AGPAT3: variants seen among roughly 807,000 people sequenced by gnomAD.
AGPAT3 encodes the protein 1-acyl-sn-glycerol-3-phosphate acyltransferase gamma.
AGPAT3 carries 5 observed loss-of-function variants against 47.3 expected under a neutral mutation model. The observed-to-expected ratio is 0.11, with a 90% CI of 0.06 to 0.22. The LOEUF (loss-of-function observed/expected upper bound fraction) is 0.22. Among genes scored for constraint, AGPAT3 ranks in the 10% least tolerant of loss-of-function variants. The pLI, the probability that AGPAT3 is intolerant of heterozygous loss-of-function variation, is 1.00. For missense variants in AGPAT3, 315 were observed against 493.0 expected, an observed-to-expected ratio of 0.64 and a Z score of 3.42; for synonymous variants, 212 against 208.3, an observed-to-expected ratio of 1.02 and a Z score of -0.15.
chr21:43,883,757 C>G (rs1363005473), intron 1 of AGPAT3, among the ~76,000 whole-genome samples: 1 of 152,176 alleles, frequency 6.6e-6, no homozygotes, highest in Non-Finnish European at 1.5e-5. Context: ...CCACACCTGG[C>G]TAATTTTTGT....
At chr21:43,964,122 C>T (rs560842047) in intron 3 of AGPAT3, among the ~76,000 whole-genome samples, 100 of 152,044 alleles carry the variant, frequency 6.6e-4, no homozygotes, top group African/African-American at 2.3e-3. Flanking sequence ...CAGTGGGTCA[C>T]GCCTGTAATC....
intron 2 of AGPAT3, among the ~76,000 whole-genome samples, chr21:43,950,134 A>G (rs1329626072): frequency 6.6e-6 from 1 of 152,254 alleles, no homozygotes; most frequent in Admixed American, 6.5e-5. Context: ...TTAAGAGAGC[A>G]AGAGATAAAC....
intron 2 of AGPAT3, among the ~76,000 whole-genome samples, chr21:43,926,690 T>G (rs2087066616): frequency 7.1e-6 from 1 of 140,782 alleles, no homozygotes. Flanking sequence ...CTGGGCATAG[T>G]GGCTGATGCC....
chr21:43,955,043 C>A lies in AGPAT3; in HGVS notation c.-48-4591C>A. 1 of 1,209,158 alleles carries A rather than the reference C, an allele frequency of 8.3e-7. No individual in the cohort carries two copies. The highest frequency in any genetic ancestry group is 1.1e-6 in the Non-Finnish European group (1 of 941,612). 74.9% of individuals were successfully genotyped at this position (1,209,158 alleles called of 1,614,324 possible). A position where few individuals can be genotyped will look rare whatever the true frequency, so the allele number is the denominator to read the frequency against. ...GCTGGGACGTGAATGTGCATCACGG[C>A]TCTATCTGTGGCCCCCAAAGGCTGG... On this transcript the variant is annotated intron_variant, in intron 2 of 9. Coordinates refer to ENST00000291572, the MANE Select transcript of AGPAT3 (RefSeq NM_020132.5). The surrounding 1 kb of genome is among the most constrained non-coding windows in gnomAD (Gnocchi z 4.1).
At chr21:43,903,887 A>G (rs1019930297) in intron 1 of AGPAT3, 70 bp from the exon 2 acceptor site, 4 of 152,250 alleles carry the variant, frequency 2.6e-5, no homozygotes, top group East Asian at 1.9e-4. Flanking sequence ...AAGTGGATGC[A>G]TATATTTGGT....
At chr21:43,916,694 G>A (rs2086737813) in intron 2 of AGPAT3, among the ~76,000 whole-genome samples, 1 of 152,104 alleles carries the variant, frequency 6.6e-6, no homozygotes, top group Non-Finnish European at 1.5e-5. Flanking sequence ...TAGGTGATTG[G>A]AGGCTTTTTG....
chr21:43,957,867 G>A (rs1345078799), intron 2 of AGPAT3, among the ~76,000 whole-genome samples: 2 of 152,186 alleles, frequency 1.3e-5, no homozygotes, highest in Non-Finnish European at 2.9e-5. Context: ...CTCAGTAGGA[G>A]TGCTGCCAAG....
intron 4 of AGPAT3, 30 bp from the exon 5 acceptor site, chr21:43,969,088 G>A (rs777342319): frequency 5.0e-6 from 8 of 1,612,078 alleles, no homozygotes; most frequent in Admixed American, 1.7e-5. Context: ...ACGCTGAAGT[G>A]CCAGGTGCCC....
chr21:43,956,636 C>T (rs1219293414), intron 2 of AGPAT3, among the ~76,000 whole-genome samples: 1 of 152,228 alleles, frequency 6.6e-6, no homozygotes. Context: ...CTTAACCCCA[C>T]AGTGTGTGGA....
At position 43,981,674 on chromosome 21, in the gene AGPAT3, T is replaced by C. The variant is rs1345476017; in HGVS notation, c.1042+487T>C. ...CCTGGGGCCGAACAGACACCCAGCC[T>C]GTCCCTGTGGTGAGCTCCGGCGCCC... On this transcript the variant is annotated intron_variant, in intron 9 of 9. Transcript: ENST00000291572. This position sits in a 1 kb window ranked among gnomAD's most constrained non-coding sequence, Gnocchi z 5.3. Among the ~76,000 whole-genome samples, 1 of 151,968 alleles carries C rather than the reference T, an allele frequency of 6.6e-6. No homozygotes were observed. Among genetic ancestry groups the C allele is most frequent in the African/African-American group, 2.4e-5 (1 of 41,354 alleles).
At chr21:43,915,145 A>G (rs965955155) in intron 2 of AGPAT3, among the ~76,000 whole-genome samples, 3 of 151,644 alleles carry the variant, frequency 2.0e-5, no homozygotes, top group Admixed American at 1.3e-4. Context: ...TGCAACCTCC[A>G]AGTTCAAGTG....
chr21:43,878,003 G>A (rs978212661), intron 1 of AGPAT3, among the ~76,000 whole-genome samples: 1 of 151,990 alleles, frequency 6.6e-6, no homozygotes, highest in Non-Finnish European at 1.5e-5. Flanking sequence ...ACTGCCCGTG[G>A]TCTTGCGTGG....
chr21:43,955,748 A>G lies in AGPAT3; in HGVS notation c.-48-3886A>G, dbSNP rs1416671197. 6.6e-6 allele frequency among the ~76,000 whole-genome samples: 1 copy of G among 151,884 alleles called. No individual in the cohort carries two copies. The highest frequency in any genetic ancestry group is 2.4e-5 in the African/African-American group (1 of 41,388). ...TGGCGAAACCCCATCTCTACTAAAC[A>G]TACAAAAATTTGCTGGACATGGTGG... On this transcript the variant is annotated intron_variant, in intron 2 of 9. Transcript: ENST00000291572. This position sits in a 1 kb window ranked among gnomAD's most constrained non-coding sequence, Gnocchi z 4.1.
intron 5 of AGPAT3, among the ~76,000 whole-genome samples, chr21:43,969,825 G>A (rs1245248857): frequency 1.3e-5 from 2 of 151,986 alleles, no homozygotes; most frequent in African/African-American, 4.8e-5. Flanking sequence ...AGGCTCCCAA[G>A]TAGCTGACAT....
At chr21:43,911,123 C>T (rs1423719165) in intron 2 of AGPAT3, among the ~76,000 whole-genome samples, 1 of 152,198 alleles carries the variant, frequency 6.6e-6, no homozygotes. Context: ...AATGCACCTA[C>T]GTGTCATGAC....
intron 1 of AGPAT3, among the ~76,000 whole-genome samples, chr21:43,884,926 C>G (rs1050275534): frequency 6.6e-6 from 1 of 152,344 alleles, no homozygotes; most frequent in African/African-American, 2.4e-5. Flanking sequence ...CTCCCTTCTC[C>G]CACCTCACAT....
At chr21:43,942,344 TC>T (rs528344846) in intron 2 of AGPAT3, among the ~76,000 whole-genome samples, 1 of 152,168 alleles carries the variant, frequency 6.6e-6, no homozygotes, top group Non-Finnish European at 1.5e-5. Context: ...GCCAGCTCCC[TC>T]CCAGAGCAGG....
intron 1 of AGPAT3, among the ~76,000 whole-genome samples, chr21:43,882,088 C>T (rs1335728899): frequency 6.6e-6 from 1 of 152,284 alleles, no homozygotes; most frequent in Admixed American, 6.5e-5. Flanking sequence ...GTCTAAGCCA[C>T]TGCAGGGGCA....
rs950734819 is a variant in AGPAT3, at chr21:43,954,882, C to T, written c.-48-4752C>T. The T allele has an allele frequency of 2.7e-5, 10 of 365,450 alleles. No individual in the cohort carries two copies. Among genetic ancestry groups the T allele is most frequent in the African/African-American group, 1.3e-4 (6 of 45,118 alleles). The allele number at this position is 365,450 out of a possible 1,614,324, so 22.6% of individuals were successfully genotyped here. On this transcript the variant is annotated intron_variant, in intron 2 of 9. Coordinates refer to ENST00000291572, the MANE Select transcript of AGPAT3 (RefSeq NM_020132.5). This position sits in a 1 kb window ranked among gnomAD's most constrained non-coding sequence, Gnocchi z 4.0. ...GGAGAAACATGTGCCAGAGGGCAGG[C>T]GTGGGCTCTCCGGGGAGTCTCTGCG...
Sources: gnomAD v4.1 joint callset for allele counts (sites outside exome capture counted in the v4.1 genomes callset) on GRCh38, gnomAD v4.1.1 for gene constraint, Gnocchi (gnomAD v3.1) non-coding constraint, MANE v1.5 for transcripts, NCBI Gene and HGNC (gene_info 2026-07-23, HGNC 2026-07-21) for gene names.